Variants in PGR observed in about 807,000 individuals in gnomAD.
PGR encodes progesterone receptor, also known as nuclear receptor subfamily 3 group C member 3.
In PGR, 25 loss-of-function variants were observed where a neutral mutation model predicts 76.1. The ratio of observed to expected loss-of-function variants is 0.33; its 90% CI spans 0.24 to 0.46. PGR has a LOEUF of 0.46. Among genes scored for constraint, PGR ranks in the 20% least tolerant of loss-of-function variants. PGR has a pLI of 1.00. For missense variants in PGR, 1,172 were observed against 1,225.3 expected (o/e 0.96, Z 0.65); for synonymous variants, 579 against 535.0 (o/e 1.08, Z -1.14).
Position 101,040,390 on chromosome 11 carries a change from T to C in PGR, c.2647-1119A>G, listed in dbSNP as rs559642883. 9.2e-5 allele frequency among the ~76,000 whole-genome samples: 14 copies of C among 152,158 alleles called. No homozygotes were observed. The South Asian group carries it at 2.5e-3, about 27-fold the overall frequency. ...TCTCTGTTGGGGTGGATCTTTGGCTTAATCCCATGTTTTGTTATAAGACAT... is the reference window on the plus strand; with the variant it reads ...TCTCTGTTGGGGTGGATCTTTGGCTCAATCCCATGTTTTGTTATAAGACAT... On this transcript the variant is annotated intron_variant, in intron 7 of 7. Transcript: ENST00000325455.
chr11:101,068,807 C>G lies in PGR; in HGVS notation c.1907-6055G>C, dbSNP rs546309299. Among the ~76,000 whole-genome samples the G allele has an allele frequency of 4.3e-3, 656 of 152,112 alleles. 8 individuals are homozygous for G. The highest frequency in any genetic ancestry group is 0.015 in the African/African-American group (639 of 41,464). ...TAATAAATGGTGTTGGGGAAACTGGCTAGCCATATGCAGAAAACTGAAAGT... is the reference window on the plus strand; with the variant it reads ...TAATAAATGGTGTTGGGGAAACTGGGTAGCCATATGCAGAAAACTGAAAGT... On this transcript the variant is annotated intron_variant, in intron 3 of 7. Transcript: ENST00000325455.
intron 2 of PGR, among the ~76,000 whole-genome samples, chr11:101,121,461 CA>C (rs1330221038): frequency 1.3e-5 from 2 of 152,190 alleles, no homozygotes; most frequent in Non-Finnish European, 2.9e-5. Context: ...GCTACCAAAC[CA>C]GTTTTCATTA....
chr11:101,127,744 G>A lies in PGR; in HGVS notation c.1327C>T (p.Pro443Ser), dbSNP rs1401034696. The change falls in exon 1 of 8, where the codon CCC (proline) becomes TCC (serine). Residue 443 changes from proline (P) to serine (S), a missense_variant. By Grantham distance (74) the Pro-to-Ser change is moderately conservative. This residue lies in a region of PGR where 893 missense variants were observed against 785.9 expected (regional missense o/e 1.14). Coordinates refer to ENST00000325455, the MANE Select transcript of PGR (RefSeq NM_000926.4). Reference sequence around the variant, plus strand: ...GCAGACGAGACTGAGGCACTGGCGGGTGCGGCCGTCACCGCCGCTTCCCCG... The same window carrying A: ...GCAGACGAGACTGAGGCACTGGCGGATGCGGCCGTCACCGCCGCTTCCCCG... ...RPGEAAVTAA[P>S]ASASVSSASS... The A allele has an allele frequency of 1.3e-6, 2 of 1,560,602 alleles. No individual in the cohort carries two copies. Among genetic ancestry groups the A allele is most frequent in the Non-Finnish European group, 1.7e-6 (2 of 1,160,184 alleles).
At chr11:101,119,566 G>A (rs1026970859) in intron 2 of PGR, among the ~76,000 whole-genome samples, 3 of 152,096 alleles carry the variant, frequency 2.0e-5, no homozygotes, top group Non-Finnish European at 2.9e-5. Context: ...AACTTCTTAG[G>A]AGTCACTCGA....
At chr11:101,045,287 T>C (rs1859832685) in intron 6 of PGR, among the ~76,000 whole-genome samples, 1 of 152,212 alleles carries the variant, frequency 6.6e-6, no homozygotes, top group Admixed American at 6.5e-5. Flanking sequence ...TATGTACATC[T>C]ATATGTATAT....
intron 4 of PGR, among the ~76,000 whole-genome samples, chr11:101,059,857 A>AAGAAAAGAAAAAAAAG (rs1302309781): frequency 7.2e-6 from 1 of 138,724 alleles, no homozygotes; most frequent in Non-Finnish European, 1.6e-5. Flanking sequence ...AAAAAAAAAA[A>AAGAAAAGAAAAAAAAG]AAAAGAAAAA....
intron 2 of PGR, among the ~76,000 whole-genome samples, chr11:101,095,140 A>G (rs1861796568): frequency 6.6e-6 from 1 of 152,182 alleles, no homozygotes; most frequent in Non-Finnish European, 1.5e-5. Context: ...ACAAATCTAA[A>G]TGGTATTTAA....
rs1861860500 is a variant in PGR at position 101,097,182 on chromosome 11, T to A, written c.1790-5306A>T. ...GGGTGAGTTCAAACTGTTATGTCTT[T>A]TCTTTCTAATCACATACTCTTTCCC... On this transcript the variant is annotated intron_variant, in intron 2 of 7. Transcript: ENST00000325455. Among the ~76,000 whole-genome samples, 4 of 152,292 alleles carry A rather than the reference T, an allele frequency of 2.6e-5. No individual in the cohort carries two copies. In the South Asian group the frequency reaches 6.2e-4, roughly 24 times the overall value.
chr11:101,097,863 G>T (rs1215061944), intron 2 of PGR, among the ~76,000 whole-genome samples: 1 of 148,616 alleles, frequency 6.7e-6, no homozygotes, highest in Non-Finnish European at 1.5e-5. Context: ...TGCAAGCTCT[G>T]CCTCTTGGAT....
chr11:101,055,372 T>C (rs12420896), intron 4 of PGR, among the ~76,000 whole-genome samples: 19 of 119,958 alleles, frequency 1.6e-4, no homozygotes, highest in African/African-American at 6.2e-4. Flanking sequence ...GCCAAGAACG[T>C]GCCACTGCAC....
At chr11:101,120,888 C>T (rs1862652276) in intron 2 of PGR, among the ~76,000 whole-genome samples, 1 of 152,184 alleles carries the variant, frequency 6.6e-6, no homozygotes, top group South Asian at 2.1e-4. Context: ...ATGGCTAATA[C>T]CACTGCTTCT....
rs765789311 is a variant in PGR, at chr11:101,051,473, G to A, written c.2308C>T (p.His770Tyr). Residue 770 changes from histidine to tyrosine, a missense_variant, in exon 5 of 8, where the codon CAC becomes TAC. By Grantham distance (83) the His-to-Tyr change is moderately conservative (BLOSUM62 2). This residue lies in a region of PGR where 166 missense variants were observed against 296.0 expected (regional missense o/e 0.56). Transcript: ENST00000325455. The part of the protein sequence containing the change: ...VFGLGWRSYK[H>Y]VSGQMLYFAP... ...AAATACAGCATCTGCCCACTGACGT[G>A]TTTGTAGGATCTCCATCCTAGACCA... The A allele has an allele frequency of 1.9e-6, 3 of 1,608,452 alleles. No individual in the cohort carries two copies. Among genetic ancestry groups the A allele is most frequent in the Admixed American group, 3.3e-5 (2 of 59,928 alleles).
chr11:101,126,144 G>T lies in PGR; in HGVS notation c.1652C>A (p.Ala551Asp). The change falls in exon 2 of 8, where the codon GCC becomes GAC. Residue 551 changes from alanine to aspartate, a missense_variant. Transcript: ENST00000325455. ...GAAGCTGTATTGTGGGCTCTGGCTGGCTTCTGAATCCGGCCTTGAAATGCA... is the reference window on the plus strand; with the variant it reads ...GAAGCTGTATTGTGGGCTCTGGCTGTCTTCTGAATCCGGCCTTGAAATGCA... ...YLNYLRPDSE[A>D]SQSPQYSFES... 1.2e-6 allele frequency: 2 copies of T among 1,614,042 alleles called. No homozygotes were observed. Among genetic ancestry groups the T allele is most frequent in the Non-Finnish European group, 1.7e-6 (2 of 1,179,976 alleles).
At position 101,127,854 on chromosome 11, in the gene PGR, A is replaced by G; in HGVS notation, c.1217T>C (p.Val406Ala). 2 of 1,594,296 alleles carry G rather than the reference A, an allele frequency of 1.3e-6. No homozygotes were observed. Among genetic ancestry groups the G allele is most frequent in the South Asian group, 1.1e-5 (1 of 90,244 alleles). ...ASARSPRSYLVAGANPAAFPD... is the reference protein window; with the variant it reads ...ASARSPRSYLAAGANPAAFPD... ...GAAGGCTGCGGGGTTGGCACCGGCC[A>G]CAAGGTAGGAACGCGGGGAGCGCGC... The change falls in exon 1 of 8, where the codon GTG becomes GCG. Residue 406 changes from valine to alanine, a missense_variant. Val to Ala is a moderately conservative substitution (Grantham distance 64, BLOSUM62 0). Transcript: ENST00000325455.
intron 3 of PGR, among the ~76,000 whole-genome samples, chr11:101,064,917 T>C (rs1421774836): frequency 6.6e-6 from 1 of 152,204 alleles, no homozygotes; most frequent in African/African-American, 2.4e-5. Context: ...TGCATTACAG[T>C]TGCCTACAAA....
chr11:101,119,768 C>T (rs2135499889), intron 2 of PGR, among the ~76,000 whole-genome samples: 1 of 152,240 alleles, frequency 6.6e-6, no homozygotes, highest in African/African-American at 2.4e-5. Flanking sequence ...AACCAGTCTC[C>T]TATAAGAGAC....
chr11:101,055,978 C>A (rs1369220443), intron 4 of PGR, among the ~76,000 whole-genome samples: 1 of 152,128 alleles, frequency 6.6e-6, no homozygotes, highest in African/African-American at 2.4e-5. Flanking sequence ...ATTTACTCCA[C>A]CTTTTACAGT....
intron 6 of PGR, among the ~76,000 whole-genome samples, chr11:101,045,629 C>T (rs903050766): frequency 1.3e-5 from 2 of 151,908 alleles, no homozygotes; most frequent in South Asian, 4.1e-4. Flanking sequence ...AAAAGACACA[C>T]TTTCATTCTT....
At chr11:101,105,187 G>A (rs557976096) in intron 2 of PGR, among the ~76,000 whole-genome samples, 1 of 152,322 alleles carries the variant, frequency 6.6e-6, no homozygotes, top group East Asian at 1.9e-4. Context: ...GCCACTGTAA[G>A]AAATTTGATT....
Sources: allele counts gnomAD v4.1 joint callset (sites outside exome capture counted in the v4.1 genomes callset), GRCh38; gene constraint gnomAD v4.1.1; regional missense constraint gnomAD v4.1.1; transcripts MANE v1.5; gene names NCBI Gene and HGNC (gene_info 2026-07-23, HGNC 2026-07-21).